Variants in SH2D4A observed in about 807,000 individuals in gnomAD.
The protein encoded by SH2D4A is SH2 domain-containing protein 4A.
SH2D4A carries 70 observed loss-of-function variants against 64.7 expected under a neutral mutation model. The ratio of observed to expected loss-of-function variants is 1.08; its 90% confidence interval spans 0.89 to 1.32. The LOEUF is 1.32. Ranked by LOEUF, SH2D4A falls within the 40% of genes most tolerant of loss-of-function variation. The pLI is 0.00. For missense variants in SH2D4A, 706 were observed against 540.1 expected, an observed-to-expected ratio of 1.31 and a Z score of -3.04; for synonymous variants, 268 against 200.7, an observed-to-expected ratio of 1.34 and a Z score of -2.83.
Position 19,394,684 on chromosome 8 carries a change from T to G in SH2D4A, c.*42T>G, listed in dbSNP as rs769430961. ...CATCCTACAGCCTCCAAGCGGGCTTTCCCCTGGACAAATGCCACTGCAACA... is the reference window on the plus strand; with the variant it reads ...CATCCTACAGCCTCCAAGCGGGCTTGCCCCTGGACAAATGCCACTGCAACA... On this transcript the variant is annotated 3_prime_UTR_variant, in exon 10 of 10. Transcript: ENST00000265807. The G allele has an allele frequency of 6.7e-7, 1 of 1,498,190 alleles. No individual in the cohort carries two copies. The highest frequency in any genetic ancestry group is 2.4e-5 in the East Asian group (1 of 42,438). The allele number at this position is 1,498,190 out of a possible 1,614,324, so 92.8% of individuals were successfully genotyped here.
intron 1 of SH2D4A, among the ~76,000 whole-genome samples, chr8:19,314,408 A>C (rs1039215243): frequency 6.6e-6 from 1 of 151,990 alleles, no homozygotes; most frequent in Non-Finnish European, 1.5e-5. Flanking sequence ...GGGGTCTGGG[A>C]GCGCGCGGAG....
intron 8 of SH2D4A, among the ~76,000 whole-genome samples, chr8:19,389,472 C>G (rs763778404): frequency 6.6e-6 from 1 of 152,172 alleles, no homozygotes; most frequent in Non-Finnish European, 1.5e-5. Flanking sequence ...GGAGTGGGAC[C>G]TCCTCCAGCT....
chr8:19,393,318 G>T lies in SH2D4A; in HGVS notation c.1049G>T (p.Gly350Val), dbSNP rs778383599. Residue 350 changes from glycine (G) to valine (V), a missense_variant and splice_region_variant, in exon 9 of 10, where the codon GGA becomes GTA. Physicochemically the swap from Gly to Val is moderately radical, Grantham distance 109. Transcript: ENST00000265807. The part of the protein sequence containing the change: ...TSDTIAPWFH[G>V]ILTLKKANEL... ...CCTGCCTTTTTTTGCTTTGCCACAG[G>T]AATTCTCACACTCAAGAAAGCAAAT... The T allele has an allele frequency of 1.2e-6, 2 of 1,614,068 alleles. No individual in the cohort carries two copies. The highest frequency in any genetic ancestry group is 1.7e-6 in the Non-Finnish European group (2 of 1,180,012).
At chr8:19,358,876 C>T (rs2052835399) in intron 5 of SH2D4A, among the ~76,000 whole-genome samples, 1 of 152,152 alleles carries the variant, frequency 6.6e-6, no homozygotes, top group African/African-American at 2.4e-5. Flanking sequence ...ATTTTCACAG[C>T]TCACACCACA....
At chr8:19,370,082 A>G (rs1446943854) in intron 7 of SH2D4A, among the ~76,000 whole-genome samples, 1 of 152,070 alleles carries the variant, frequency 6.6e-6, no homozygotes, top group Non-Finnish European at 1.5e-5. Context: ...GTTCAGGTGC[A>G]TGTTTAATTT....
chr8:19,322,265 GCTAAGCCCATGACC>G (rs370297529), intron 2 of SH2D4A, among the ~76,000 whole-genome samples: 25 of 152,108 alleles, frequency 1.6e-4, no homozygotes, highest in African/African-American at 5.8e-4. Context: ...CTGCAGACCT[GCTAAGCCCATGACC>G]CTTGTGGGTT....
intron 2 of SH2D4A, among the ~76,000 whole-genome samples, chr8:19,325,984 C>T (rs2052272823): frequency 1.3e-5 from 2 of 152,200 alleles, no homozygotes; most frequent in South Asian, 2.1e-4. Flanking sequence ...CTTCACATCC[C>T]TGCTTGCCCA....
At chr8:19,357,898 C>T (rs922842808) in intron 5 of SH2D4A, among the ~76,000 whole-genome samples, 10 of 152,232 alleles carry the variant, frequency 6.6e-5, no homozygotes, top group African/African-American at 2.2e-4. Context: ...GAAACAGCAG[C>T]GTAAGATGTG....
Position 19,353,349 on chromosome 8 carries a change from T to C in SH2D4A, c.514-3854T>C, listed in dbSNP as rs528412106. On this transcript the variant is annotated intron_variant, in intron 4 of 9. Transcript: ENST00000265807. ...TATTGCCATCATAAGTCATTACTTT[T>C]GAGTCCATTAATCATCTAGTTTTTT... Among the ~76,000 whole-genome samples, 7 of 151,742 alleles carry C rather than the reference T, an allele frequency of 4.6e-5. No individual in the cohort carries two copies. In the East Asian group the frequency reaches 1.2e-3, roughly 25 times the overall value.
At chr8:19,347,049 C>T (rs887217928) in intron 4 of SH2D4A, among the ~76,000 whole-genome samples, 1 of 152,138 alleles carries the variant, frequency 6.6e-6, no homozygotes, top group Non-Finnish European at 1.5e-5. Flanking sequence ...AGCTGTTGCC[C>T]TCTGTAAAAT....
chr8:19,379,573 G>A (rs1274124275), intron 8 of SH2D4A, among the ~76,000 whole-genome samples: 5 of 152,130 alleles, frequency 3.3e-5, no homozygotes, highest in African/African-American at 1.2e-4. Flanking sequence ...TTCTACGGTT[G>A]AACTTTATAG....
intron 2 of SH2D4A, among the ~76,000 whole-genome samples, chr8:19,324,822 T>C (rs2052251289): frequency 6.6e-6 from 1 of 152,266 alleles, no homozygotes; most frequent in Non-Finnish European, 1.5e-5. Context: ...ACAATGTTCA[T>C]AGACTCCCTG....
chr8:19,371,122 T>C (rs1262863104), intron 7 of SH2D4A, among the ~76,000 whole-genome samples: 4 of 152,144 alleles, frequency 2.6e-5, no homozygotes, highest in African/African-American at 7.2e-5. Flanking sequence ...ATTAAGTTCG[T>C]TTTTAGTCTT....
chr8:19,358,787 A>T (rs148467682), intron 5 of SH2D4A, among the ~76,000 whole-genome samples: 1 of 152,366 alleles, frequency 6.6e-6, no homozygotes, highest in African/African-American at 2.4e-5. Flanking sequence ...AGGCTGGACA[A>T]GAGGCTTTCT....
intron 4 of SH2D4A, among the ~76,000 whole-genome samples, chr8:19,336,500 C>A (rs1300953670): frequency 6.6e-6 from 1 of 152,142 alleles, no homozygotes; most frequent in African/African-American, 2.4e-5. Flanking sequence ...CACGGCTCCC[C>A]TTCCCACACC....
At chr8:19,328,535 C>T (rs565210567) in intron 2 of SH2D4A, among the ~76,000 whole-genome samples, 18 of 152,124 alleles carry the variant, frequency 1.2e-4, no homozygotes, top group African/African-American at 4.3e-4. Context: ...CTATGCCTGC[C>T]CTATTTAGGA....
At chr8:19,363,568 T>C (rs2052930099) in intron 6 of SH2D4A, among the ~76,000 whole-genome samples, 1 of 152,196 alleles carries the variant, frequency 6.6e-6, no homozygotes. Flanking sequence ...TTTTTGTCTG[T>C]CAGGTTGCTT....
At chr8:19,370,323 T>C (rs2053073998) in intron 7 of SH2D4A, among the ~76,000 whole-genome samples, 2 of 152,062 alleles carry the variant, frequency 1.3e-5, no homozygotes, top group Non-Finnish European at 2.9e-5. Flanking sequence ...ATCTGTTCAT[T>C]GTAGAAAGTG....
rs747378337 is a variant in SH2D4A at position 19,319,649 on chromosome 8, A to G, written c.102A>G (p.Glu34=). The part of the protein sequence containing the change: ...KQILFFKMRE[E]QIRRWKEREA... ...TCCTGTTCTTCAAGATGAGAGAGGA[A>G]CAGATCCGACGATGGAAAGAAAGAG... The change falls in exon 2 of 10, where the codon GAA becomes GAG. Residue 34 remains glutamate (E), a synonymous_variant. Transcript: ENST00000265807. 2.1e-5 allele frequency: 34 copies of G among 1,611,526 alleles called. No individual in the cohort carries two copies. In the East Asian group the frequency reaches 6.9e-4, roughly 33 times the overall value.
Sources: allele counts gnomAD v4.1 joint callset (sites outside exome capture counted in the v4.1 genomes callset), GRCh38; gene constraint gnomAD v4.1.1; transcripts MANE v1.5; gene names NCBI Gene and HGNC (gene_info 2026-07-23, HGNC 2026-07-21).